Variants in MANSC4 observed in about 807,000 individuals in gnomAD.
The protein encoded by MANSC4 is MANSC domain-containing protein 4.
Under a neutral mutation model 11.4 loss-of-function variants are expected in MANSC4, and 11 were observed. That is an observed-to-expected ratio of 0.97 (90% CI 0.61 to 1.60). The LOEUF (loss-of-function observed/expected upper bound fraction) is 1.60. MANSC4 is among the 40% of genes most tolerant of loss of function. MANSC4 has a pLI of 0.00. For synonymous variants in MANSC4, 123 were observed against 147.1 expected, an observed-to-expected ratio of 0.84 and a Z score of 1.19; for missense variants, 354 against 404.6, an observed-to-expected ratio of 0.88 and a Z score of 1.07.
chr12:27,768,053 C>G (rs1300700490), intron 2 of MANSC4, among the ~76,000 whole-genome samples: 6 of 152,132 alleles, frequency 3.9e-5, no homozygotes. Flanking sequence ...CAGGTGGGGA[C>G]ACACTATTGG....
chr12:27,769,731 A>T (rs778121355), intron 2 of MANSC4, among the ~76,000 whole-genome samples: 2 of 152,214 alleles, frequency 1.3e-5, no homozygotes, highest in Non-Finnish European at 2.9e-5. Flanking sequence ...CATACACAAA[A>T]ATCTTACATA....
At chr12:27,779,510 C>T (rs2062134415) in intron 1 of MANSC4, among the ~76,000 whole-genome samples, 1 of 152,218 alleles carries the variant, frequency 6.6e-6, no homozygotes, top group Non-Finnish European at 1.5e-5. Flanking sequence ...TGCCATCTGC[C>T]TGGACCTCCT....
At chr12:27,770,382 T>G (rs992167330) in intron 2 of MANSC4, among the ~76,000 whole-genome samples, 2 of 152,152 alleles carry the variant, frequency 1.3e-5, no homozygotes, top group Non-Finnish European at 2.9e-5. Context: ...GGTTTCACCA[T>G]GTTGGCCAGG....
intron 2 of MANSC4, among the ~76,000 whole-genome samples, chr12:27,769,773 A>T (rs373883800): frequency 2.0e-5 from 3 of 152,238 alleles, no homozygotes; most frequent in African/African-American, 7.2e-5. Context: ...GGAAATTAAC[A>T]AGTTGATATG....
intron 1 of MANSC4, among the ~76,000 whole-genome samples, chr12:27,779,410 T>G (rs757083262): frequency 5.9e-5 from 9 of 152,168 alleles, no homozygotes; most frequent in Admixed American, 5.9e-4. Flanking sequence ...TGCGCTTTCA[T>G]CTTTCTTTTA....
intron 2 of MANSC4, among the ~76,000 whole-genome samples, chr12:27,768,402 C>CAAAAAAAAAAAAAAAA (rs201953091): frequency 9.1e-6 from 1 of 109,690 alleles, no homozygotes; most frequent in African/African-American, 3.8e-5. Flanking sequence ...GACTCTGTCT[C>CAAAAAAAAAAAAAAAA]AAAAAAAAAA....
chr12:27,769,990 C>CCA (rs1205102591), intron 2 of MANSC4, among the ~76,000 whole-genome samples: 8 of 152,180 alleles, frequency 5.3e-5, no homozygotes, highest in African/African-American at 1.9e-4. Context: ...TGGATGAAGT[C>CCA]TACACGCAGA....
At chr12:27,765,548 G>T (rs1255504762) in intron 3 of MANSC4, among the ~76,000 whole-genome samples, 3 of 152,076 alleles carry the variant, frequency 2.0e-5, no homozygotes. Flanking sequence ...ATCTTCTTCT[G>T]CCTGCCTTCT....
chr12:27,762,672 CTG>C lies in MANSC4; in HGVS notation c.*64_*65del. On this transcript the variant is annotated 3_prime_UTR_variant, in exon 4 of 4. Transcript: ENST00000381273. Reference sequence around the variant, plus strand: ...AGCCTATTTTTTTTTTTTAACCAAACTGCGTTTTCTTACACAAAACTAAAAAT... The same window carrying C: ...AGCCTATTTTTTTTTTTTAACCAAACCGTTTTCTTACACAAAACTAAAAAT... 7.4e-7 allele frequency: 1 copy of C among 1,349,104 alleles called. No individual in the cohort carries two copies. Among genetic ancestry groups the C allele is most frequent in the Non-Finnish European group, 9.8e-7 (1 of 1,018,998 alleles). 83.6% of individuals were successfully genotyped at this position (1,349,104 alleles called of 1,614,324 possible). A position where few individuals can be genotyped will look rare whatever the true frequency, so the allele number is the denominator to read the frequency against.
At chr12:27,768,803 G>A (rs904724004) in intron 2 of MANSC4, among the ~76,000 whole-genome samples, 1 of 152,014 alleles carries the variant, frequency 6.6e-6, no homozygotes, top group African/African-American at 2.4e-5. Context: ...GTTAATTTTT[G>A]TATTTTTAGT....
Position 27,778,907 on chromosome 12 carries a change from C to T in MANSC4, c.-307+1303G>A, listed in dbSNP as rs111989355. On this transcript the variant is annotated intron_variant, in intron 1 of 3. Transcript: ENST00000381273. Reference sequence around the variant, plus strand: ...TTTCCGAGACGGCGTCTCGCTCTGTCGCCCAGGCTGGAGTGCAGTGGCGCG... The same window carrying T: ...TTTCCGAGACGGCGTCTCGCTCTGTTGCCCAGGCTGGAGTGCAGTGGCGCG... Among the ~76,000 whole-genome samples, 7 of 152,318 alleles carry T rather than the reference C, an allele frequency of 4.6e-5. No homozygotes were observed. The South Asian group carries it at 1.5e-3, about 32-fold the overall frequency.
intron 1 of MANSC4, among the ~76,000 whole-genome samples, chr12:27,776,020 G>C (rs577624724): frequency 6.7e-6 from 1 of 149,702 alleles, no homozygotes; most frequent in Admixed American, 6.7e-5. Flanking sequence ...AACCCAGGAG[G>C]CTGAGGTTGT....
In MANSC4 at chr12:27,766,692, T is replaced by C; in HGVS notation, c.337A>G (p.Ser113Gly). 2 of 1,551,544 alleles carry C rather than the reference T, an allele frequency of 1.3e-6. No individual in the cohort carries two copies. The highest frequency in any genetic ancestry group is 1.7e-6 in the Non-Finnish European group (2 of 1,146,954). Residue 113 changes from serine (S) to glycine (G), a missense_variant, in exon 3 of 4, where the codon AGT becomes GGT. Physicochemically the swap from Ser to Gly is moderately conservative, Grantham distance 56. Transcript: ENST00000381273. ...TCTGTTATGTTGTACAAAATGGCAC[T>C]GGTTCCAGGCTCTAATATGCAGCTC... ...LESCILEPGT[S>G]AILYNITDGI...
intron 3 of MANSC4, among the ~76,000 whole-genome samples, chr12:27,764,068 G>T (rs1565475822): frequency 6.6e-6 from 1 of 152,082 alleles, no homozygotes; most frequent in Admixed American, 6.5e-5. Flanking sequence ...GCAAAATAGG[G>T]CCTGAGAAGA....
At chr12:27,769,035 G>T (rs2881579) in intron 2 of MANSC4, among the ~76,000 whole-genome samples, 102,744 of 152,084 alleles carry the variant, frequency 0.68, 35,585 homozygotes, top group African/African-American at 0.84. Flanking sequence ...CTGTACTGCT[G>T]CTGTGTAAGG....
chr12:27,778,320 A>G (rs2062127458), intron 1 of MANSC4, among the ~76,000 whole-genome samples: 1 of 152,132 alleles, frequency 6.6e-6, no homozygotes, highest in Admixed American at 6.5e-5. Context: ...AGATGACAAC[A>G]ACACCTCTCT....
In MANSC4 at chr12:27,763,345, G is replaced by A. The variant is rs1565475632; in HGVS notation, c.416C>T (p.Thr139Ile). 2 of 1,551,696 alleles carry A rather than the reference G, an allele frequency of 1.3e-6. No homozygotes were observed. The highest frequency in any genetic ancestry group is 3.9e-5 in the Admixed American group (2 of 50,932). ...VFEQSPTYLNTRSSSNRWDRL... is the reference protein window; with the variant it reads ...VFEQSPTYLNIRSSSNRWDRL... Reference sequence around the variant, plus strand: ...GTCCCATCTATTGGATGAAGAACGAGTATTTAGATATGTGGGAGATTGTTC... The same window carrying A: ...GTCCCATCTATTGGATGAAGAACGAATATTTAGATATGTGGGAGATTGTTC... Residue 139 changes from threonine to isoleucine, a missense_variant, in exon 4 of 4, where the codon ACT (threonine) becomes ATT (isoleucine). Transcript: ENST00000381273.
chr12:27,772,778 G>A (rs1396725326), intron 1 of MANSC4, among the ~76,000 whole-genome samples: 1 of 152,148 alleles, frequency 6.6e-6, no homozygotes, highest in African/African-American at 2.4e-5. Context: ...GAAGGGAAAG[G>A]ATGAGTAACA....
intron 3 of MANSC4, among the ~76,000 whole-genome samples, chr12:27,766,078 T>A (rs930716205): frequency 6.6e-6 from 1 of 151,962 alleles, no homozygotes; most frequent in Non-Finnish European, 1.5e-5. Flanking sequence ...AGGACCTTTT[T>A]TTTTTTTTGA....
Sources: allele counts gnomAD v4.1 joint callset (sites outside exome capture counted in the v4.1 genomes callset), GRCh38; gene constraint gnomAD v4.1.1; transcripts MANE v1.5; gene names NCBI Gene and HGNC (gene_info 2026-07-23, HGNC 2026-07-21).